RALGAPA2: variants seen among roughly 807,000 people sequenced by gnomAD.
RALGAPA2 encodes the protein Ral GTPase activating protein catalytic subunit alpha 2.
Under a neutral mutation model 230.4 loss-of-function variants are expected in RALGAPA2, and 139 were observed. That is an observed-to-expected ratio of 0.60 (90% CI 0.53 to 0.69). The LOEUF (loss-of-function observed/expected upper bound fraction) is 0.69, where lower values mean the gene tolerates loss of function less well. Among genes scored for constraint, RALGAPA2 ranks in the 30% least tolerant of loss-of-function variants. The pLI, the probability that RALGAPA2 is intolerant of heterozygous loss-of-function variation, is 0.00. For synonymous variants in RALGAPA2, 847 were observed against 837.8 expected, an observed-to-expected ratio of 1.01 and a Z score of -0.19; for missense variants, 2,163 against 2,276.0, an observed-to-expected ratio of 0.95 and a Z score of 1.01.
intron 38 of RALGAPA2, among the ~76,000 whole-genome samples, chr20:20,409,706 G>T (rs1602286090): frequency 1.3e-5 from 2 of 152,230 alleles, no homozygotes; most frequent in South Asian, 2.1e-4. Context: ...AGTGGACAGG[G>T]ATTCCTCAAA....
intron 38 of RALGAPA2, among the ~76,000 whole-genome samples, chr20:20,410,846 T>G (rs1180791602): frequency 6.6e-6 from 1 of 152,198 alleles, no homozygotes; most frequent in Non-Finnish European, 1.5e-5. Flanking sequence ...GGCGTGATTA[T>G]GCAAATCACG....
At chr20:20,475,531 C>T (rs145560533) in intron 36 of RALGAPA2, among the ~76,000 whole-genome samples, 12 of 152,170 alleles carry the variant, frequency 7.9e-5, no homozygotes, top group African/African-American at 2.9e-4. Context: ...TTAACTCTCA[C>T]TCATAATTAG....
rs553430727 is a variant in RALGAPA2 at position 20,520,996 on chromosome 20, T to A, written c.4005A>T (p.Pro1335=). ...LSSTDYDPFL[P]LANVKSSEPV... ...GCTCAGAGCTCTTCACATTTGCCAGTGGCAGGAAGGGGTCATAATCCGTGG... is the reference window on the plus strand; with the variant it reads ...GCTCAGAGCTCTTCACATTTGCCAGAGGCAGGAAGGGGTCATAATCCGTGG... Residue 1335 remains proline (P), a synonymous_variant, in exon 31 of 40, where the codon CCA becomes CCT. Transcript: ENST00000202677. The A allele has an allele frequency of 6.8e-6, 11 of 1,613,954 alleles. No homozygotes were observed. The East Asian group carries it at 2.5e-4, about 36-fold the overall frequency.
intron 37 of RALGAPA2, among the ~76,000 whole-genome samples, chr20:20,466,005 GA>G (rs1329705703): frequency 6.6e-6 from 1 of 152,196 alleles, no homozygotes; most frequent in Non-Finnish European, 1.5e-5. Flanking sequence ...TTTCACCAAG[GA>G]ACAGGCACTG....
chr20:20,469,221 A>G (rs6046884), intron 37 of RALGAPA2, among the ~76,000 whole-genome samples: 1 of 152,026 alleles, frequency 6.6e-6, no homozygotes, highest in African/African-American at 2.4e-5. Context: ...CATTTGACTT[A>G]TTTTCTGAAA....
In RALGAPA2 at chr20:20,390,803, G is replaced by A. The variant is rs968798759; in HGVS notation, c.*2486C>T. 1 of 152,150 alleles carries A rather than the reference G, an allele frequency of 6.6e-6. No homozygotes were observed. Among genetic ancestry groups the A allele is most frequent in the East Asian group, 1.9e-4 (1 of 5,190 alleles). The allele number at this position is 152,150 out of a possible 1,614,324, so 9.4% of individuals were successfully genotyped here. The stretch of plus-strand genomic sequence containing the variant: ...GTGGCTGTCAGATTCCCTGCTCCAC[G>A]TTCCATCTCCAGACCAAAGCTGCTA... On this transcript the variant is annotated 3_prime_UTR_variant, in exon 40 of 40. Coordinates refer to ENST00000202677, the MANE Select transcript of RALGAPA2 (RefSeq NM_020343.4).
chr20:20,653,468 AC>A, intron 4 of RALGAPA2, 61 bp downstream of exon 4: 2 of 900,312 alleles, frequency 2.2e-6, no homozygotes, highest in Non-Finnish European at 3.5e-6. Flanking sequence ...ATTATATAAA[AC>A]ATTACTGAAA....
At chr20:20,428,196 C>T (rs2060426711) in intron 37 of RALGAPA2, among the ~76,000 whole-genome samples, 1 of 152,014 alleles carries the variant, frequency 6.6e-6, no homozygotes, top group South Asian at 2.1e-4. Flanking sequence ...TCTATTCTGC[C>T]TAAACTCATA....
intron 35 of RALGAPA2, among the ~76,000 whole-genome samples, chr20:20,500,919 GTGAT>G (rs145298772): frequency 1.0e-3 from 156 of 152,344 alleles, no homozygotes; most frequent in Non-Finnish European, 2.0e-3. Flanking sequence ...GAGCTCTTGA[GTGAT>G]GAGGTACATT....
Position 20,405,346 on chromosome 20 carries a change from A to G in RALGAPA2, c.5617+6681T>C, listed in dbSNP as rs1321924690. Among the ~76,000 whole-genome samples, 3 of 152,176 alleles carry G rather than the reference A, an allele frequency of 2.0e-5. No homozygotes were observed. In the South Asian group the frequency reaches 6.2e-4, roughly 31 times the overall value. On this transcript the variant is annotated intron_variant, in intron 38 of 39. Coordinates refer to ENST00000202677, the MANE Select transcript of RALGAPA2 (RefSeq NM_020343.4). ...TCTGCTTTTCTCCAATAAGACTTCA[A>G]GCTTCACAAGGGAAGGAGAGACACA...
chr20:20,546,512 A>G (rs533841120), intron 24 of RALGAPA2, among the ~76,000 whole-genome samples, 192 bp downstream of exon 24: 2 of 152,324 alleles, frequency 1.3e-5, no homozygotes, highest in East Asian at 1.9e-4. Context: ...CCTTTTGATG[A>G]AACGCCTTTC....
chr20:20,500,087 A>C (rs1009199081), intron 35 of RALGAPA2, among the ~76,000 whole-genome samples: 2 of 152,258 alleles, frequency 1.3e-5, no homozygotes, highest in Non-Finnish European at 2.9e-5. Flanking sequence ...GCTAATGATT[A>C]TCTGAGCCTT....
intron 38 of RALGAPA2, among the ~76,000 whole-genome samples, chr20:20,402,311 C>T (rs974352988): frequency 6.6e-6 from 1 of 152,220 alleles, no homozygotes; most frequent in Non-Finnish European, 1.5e-5. Context: ...TCCTGGAGAC[C>T]ATTTTTGTAA....
intron 11 of RALGAPA2, 46 bp downstream of exon 11, chr20:20,620,417 T>G (rs754553118): frequency 6.3e-6 from 10 of 1,584,526 alleles, no homozygotes; most frequent in Non-Finnish European, 8.6e-7. Flanking sequence ...TATACTTTAC[T>G]AAAATATATT....
intron 3 of RALGAPA2, among the ~76,000 whole-genome samples, chr20:20,670,635 C>A (rs1167708629): frequency 3.4e-5 from 5 of 147,978 alleles, no homozygotes; most frequent in Admixed American, 3.4e-4. Flanking sequence ...AGAGTCATAA[C>A]CATAGTAAAA....
rs186158788 is a variant in RALGAPA2 at position 20,458,480 on chromosome 20, T to C, written c.5495+14349A>G. ...TATGTATTTTATATAATATATAATATATATGTATTTTATATATATTATATA... is the reference window on the plus strand; with the variant it reads ...TATGTATTTTATATAATATATAATACATATGTATTTTATATATATTATATA... On this transcript the variant is annotated intron_variant, in intron 37 of 39. Coordinates refer to ENST00000202677, the MANE Select transcript of RALGAPA2 (RefSeq NM_020343.4). Among the ~76,000 whole-genome samples the C allele has an allele frequency of 4.7e-3, 615 of 132,004 alleles. 19 individuals carry two copies. Among genetic ancestry groups the C allele is most frequent in the African/African-American group, 0.013 (426 of 32,816 alleles). 86.6% of individuals were successfully genotyped at this position (132,004 alleles called of 152,430 possible).
chr20:20,628,887 T>C (rs1463946567), intron 10 of RALGAPA2, among the ~76,000 whole-genome samples: 1 of 152,116 alleles, frequency 6.6e-6, no homozygotes, highest in Non-Finnish European at 1.5e-5. Context: ...CCTACCTTTT[T>C]CTCTTGTGCC....
At chr20:20,577,157 T>C (rs149424392) in intron 20 of RALGAPA2, among the ~76,000 whole-genome samples, 71 of 152,272 alleles carry the variant, frequency 4.7e-4, no homozygotes, top group African/African-American at 1.5e-3. Context: ...CGAGTGTATA[T>C]GTTGTTGGCA....
intron 31 of RALGAPA2, among the ~76,000 whole-genome samples, chr20:20,516,244 G>A (rs2062866717): frequency 6.6e-6 from 1 of 152,150 alleles, no homozygotes; most frequent in South Asian, 2.1e-4. Flanking sequence ...ATGTATCCCT[G>A]CACCCACCCT....
Sources: allele counts gnomAD v4.1 joint callset (sites outside exome capture counted in the v4.1 genomes callset), GRCh38; gene constraint gnomAD v4.1.1; transcripts MANE v1.5; gene names NCBI Gene and HGNC (gene_info 2026-07-23, HGNC 2026-07-21).